TNRC18: variants seen among roughly 807,000 people sequenced by gnomAD.
TNRC18 encodes trinucleotide repeat-containing gene 18 protein.
Under a neutral mutation model 226.7 loss-of-function variants are expected in TNRC18, and 69 were observed. That is an observed-to-expected ratio of 0.30 (90% CI 0.25 to 0.37). The LOEUF (loss-of-function observed/expected upper bound fraction) is 0.37, where lower values mean the gene tolerates loss of function less well. Ranked by LOEUF, TNRC18 falls within the 10% of genes least tolerant of loss-of-function variation. The probability of loss-of-function intolerance (pLI) is 1.00; values close to 1 mark genes in which losing one functional copy is unlikely to be tolerated. For missense variants in TNRC18, 4,754 were observed against 4,256.6 expected (o/e 1.12, Z -3.25); for synonymous variants, 2,449 against 1,927.6 (o/e 1.27, Z -7.09).
At position 5,421,894 on chromosome 7, in the gene TNRC18, G is replaced by C. The variant is rs182542348; in HGVS notation, c.-243-405C>G. On this transcript the variant is annotated intron_variant, in intron 1 of 29. Coordinates refer to ENST00000430969, the MANE Select transcript of TNRC18 (RefSeq NM_001080495.3). The stretch of plus-strand genomic sequence containing the variant: ...AAAACCGTGAAGCCTTGCCACAAAC[G>C]GTCCGAAGTGTCTCCCAAAACACTC... Among the ~76,000 whole-genome samples the C allele has an allele frequency of 2.0e-3, 305 of 152,322 alleles. 1 individual carries two copies. The highest frequency in any genetic ancestry group is 7.1e-3 in the African/African-American group (296 of 41,566).
At chr7:5,330,413 GT>G (rs577873847) in intron 19 of TNRC18, among the ~76,000 whole-genome samples, 79 of 139,882 alleles carry the variant, frequency 5.6e-4, no homozygotes, top group African/African-American at 6.8e-4. Flanking sequence ...TTTTTTTGTT[GT>G]TTTTTTTTTT....
rs376869153 is a variant in TNRC18, at chr7:5,307,038, T to TG, written c.*1067dup. ...GGGACCCTGGGCTTGGGCCGGCTCC[T>TG]GCCTCTCCCTCTTCTCTCCCTAACA... On this transcript the variant is annotated 3_prime_UTR_variant, in exon 30 of 30. Transcript: ENST00000430969. 76 of 142,984 alleles carry TG rather than the reference T, an allele frequency of 5.3e-4. No homozygotes were observed. Among genetic ancestry groups the TG allele is most frequent in the African/African-American group, 1.5e-3 (59 of 39,058 alleles). 8.9% of individuals were successfully genotyped at this position (142,984 alleles called of 1,614,324 possible).
intron 3 of TNRC18, among the ~76,000 whole-genome samples, chr7:5,393,499 G>A (rs1309259340): frequency 6.6e-6 from 1 of 152,218 alleles, no homozygotes; most frequent in African/African-American, 2.4e-5. Flanking sequence ...TGGCCCCGCA[G>A]GAGGAAGTGG....
Position 5,374,068 on chromosome 7 carries a change from C to A in TNRC18, c.3216G>T (p.Gln1072His). The A allele has an allele frequency of 6.4e-7, 1 of 1,572,330 alleles. No individual in the cohort carries two copies. Among genetic ancestry groups the A allele is most frequent in the Non-Finnish European group, 8.6e-7 (1 of 1,162,572 alleles). ...ELEKEAPSPF[Q>H]ALFSDIPPRY... ...GCTGCATCCTACCTGAGAACAGGGC[C>A]TGGAAGGGGCTGGGGGCTTCCTTCT... Residue 1072 changes from glutamine (Q) to histidine (H), a missense_variant, in exon 10 of 30, where the codon CAG (glutamine) becomes CAT (histidine). Physicochemically the swap from Gln to His is conservative, Grantham distance 24. Coordinates refer to ENST00000430969, the MANE Select transcript of TNRC18 (RefSeq NM_001080495.3).
rs945463390 is a variant in TNRC18, at chr7:5,312,506, G to T, written c.8385C>A (p.Thr2795=). 6.2e-7 allele frequency: 1 copy of T among 1,610,490 alleles called. No individual in the cohort carries two copies. Among genetic ancestry groups the T allele is most frequent in the Non-Finnish European group, 8.5e-7 (1 of 1,179,230 alleles). ...GCCCGGGCGCGAGCTTGCTCACCTGGGTGGGCTTGCCGAACCACTTCCAGA... is the reference window on the plus strand; with the variant it reads ...GCCCGGGCGCGAGCTTGCTCACCTGTGTGGGCTTGCCGAACCACTTCCAGA... ...RQLWKWFGKP[T]QRRGMKGKAR... Residue 2795 remains threonine (T), a synonymous_variant, in exon 27 of 30, where the codon ACC becomes ACA. Transcript: ENST00000430969. The surrounding 1 kb of genome is among the most constrained non-coding windows in gnomAD (Gnocchi z 6.3).
chr7:5,388,916 C>T lies in TNRC18; in HGVS notation c.908G>A (p.Gly303Glu). Residue 303 changes from glycine to glutamate, a missense_variant, in exon 5 of 30, where the codon GGG becomes GAG. Coordinates refer to ENST00000430969, the MANE Select transcript of TNRC18 (RefSeq NM_001080495.3). ...LPALVAEAGRGGAKEAARQDE... is the reference protein window; with the variant it reads ...LPALVAEAGREGAKEAARQDE... ...CTGCCGGGCAGCCTCCTTGGCACCC[C>T]CGCGCCCCGCTTCGGCCACCAGCGC... is the stretch of plus-strand genomic sequence containing the variant. 2 of 1,369,566 alleles carry T rather than the reference C, an allele frequency of 1.5e-6. No homozygotes were observed. Among genetic ancestry groups the T allele is most frequent in the Non-Finnish European group, 1.9e-6 (2 of 1,057,574 alleles). The allele number at this position is 1,369,566 out of a possible 1,614,324, so 84.8% of individuals were successfully genotyped here. A position where few individuals can be genotyped will look rare whatever the true frequency, so the allele number is the denominator to read the frequency against.
chr7:5,387,828 G>T lies in TNRC18; in HGVS notation c.1996C>A (p.Arg666Ser). ...TCACCCTGGGCACCAGAGCCCTCGC[G>T]CCCGAAAGCTTTGGCGCTCTCGGGC... ...ERPESAKAFG[R>S]EGSGAQGEAE... The change falls in exon 5 of 30, where the codon CGC becomes AGC. Residue 666 changes from arginine to serine, a missense_variant. By Grantham distance (110) the Arg-to-Ser change is moderately radical. Coordinates refer to ENST00000430969, the MANE Select transcript of TNRC18 (RefSeq NM_001080495.3). 1 of 1,606,472 alleles carries T rather than the reference G, an allele frequency of 6.2e-7. No individual in the cohort carries two copies. The highest frequency in any genetic ancestry group is 8.5e-7 in the Non-Finnish European group (1 of 1,179,378).
Position 5,307,816 on chromosome 7 carries a change from A to C in TNRC18, c.*290T>G. The C allele has an allele frequency of 2.1e-6, 1 of 466,298 alleles. No individual in the cohort carries two copies. Among genetic ancestry groups the C allele is most frequent in the Non-Finnish European group, 4.0e-6 (1 of 251,868 alleles). The allele number at this position is 466,298 out of a possible 1,614,324, so 28.9% of individuals were successfully genotyped here. A position where few individuals can be genotyped will look rare whatever the true frequency, so the allele number is the denominator to read the frequency against. ...GGGCCGGCCTGGCCAAGTGCTTGCAACGTGCTGGGCAGGAAGGGCCGGTCC... is the reference window on the plus strand; with the variant it reads ...GGGCCGGCCTGGCCAAGTGCTTGCACCGTGCTGGGCAGGAAGGGCCGGTCC... On this transcript the variant is annotated 3_prime_UTR_variant, in exon 30 of 30. Transcript: ENST00000430969.
rs575240925 is a variant in TNRC18, at chr7:5,373,066, G to A, written c.3229+989C>T. On this transcript the variant is annotated intron_variant, in intron 10 of 29. Coordinates refer to ENST00000430969, the MANE Select transcript of TNRC18 (RefSeq NM_001080495.3). ...CCAGCTACTAGGGAGACTGAGGCAG[G>A]AGAATCGTTTGAACCTGGGAAGCGG... Among the ~76,000 whole-genome samples the A allele has an allele frequency of 5.9e-5, 9 of 152,248 alleles. No individual in the cohort carries two copies. The South Asian group carries it at 1.2e-3, about 21-fold the overall frequency.
intron 4 of TNRC18, 125 bp from the exon 5 acceptor site, chr7:5,389,461 G>GTTTTTTTGGTTTTTTTTTGTTTTT (rs1554297477): frequency 2.5e-5 from 14 of 565,556 alleles, no homozygotes; most frequent in African/African-American, 5.4e-5. Context: ...TTTGGTTTTG[G>GTTTTTTTGGTTTTTTTTTGTTTTT]TTTTTTTTTT....
Position 5,376,124 on chromosome 7 carries a change from T to C in TNRC18, c.2709A>G (p.Ser903=), listed in dbSNP as rs367575403. Residue 903 remains serine (S), a synonymous_variant, in exon 9 of 30, where the codon TCA becomes TCG. Transcript: ENST00000430969. ...CCTGCTGCCGCAGGAAGTGCTGCTG[T>C]GAGAAGAGCTGCAGCTGCTGGGCGT... ...LHHAQQLQLF[S]QQHFLRQQEF... is the part of the protein sequence containing the mutation. 5 of 1,589,730 alleles carry C rather than the reference T, an allele frequency of 3.1e-6. No homozygotes were observed. The highest frequency in any genetic ancestry group is 4.3e-6 in the Non-Finnish European group (5 of 1,169,100).
chr7:5,408,390 G>A (rs1175708410), intron 2 of TNRC18, among the ~76,000 whole-genome samples: 1 of 152,044 alleles, frequency 6.6e-6, no homozygotes, highest in Non-Finnish European at 1.5e-5. Flanking sequence ...GCTCACGCCT[G>A]TAATCCCAGC....
At position 5,421,221 on chromosome 7, in the gene TNRC18, T is replaced by G. The variant is rs772186363; in HGVS notation, c.26A>C (p.Gln9Pro). The G allele has an allele frequency of 1.5e-5, 20 of 1,318,032 alleles. No individual in the cohort carries two copies. Among genetic ancestry groups the G allele is most frequent in the Admixed American group, 4.0e-5 (1 of 24,754 alleles). The allele number at this position is 1,318,032 out of a possible 1,614,324, so 81.6% of individuals were successfully genotyped here. A position where few individuals can be genotyped will look rare whatever the true frequency, so the allele number is the denominator to read the frequency against. MDGRDFGP[Q>P]RSVHGPPPPL... is the part of the protein sequence containing the mutation. ...CGGCGGGGGACCGTGCACGGACCGC[T>G]GGGGCCCGAAGTCTCGGCCATCCAT... Residue 9 changes from glutamine to proline, a missense_variant, in exon 2 of 30, where the codon CAG (glutamine) becomes CCG (proline). By Grantham distance (76) the Gln-to-Pro change is moderately conservative. Transcript: ENST00000430969.
chr7:5,358,624 G>A (rs1344906601), intron 15 of TNRC18, among the ~76,000 whole-genome samples: 1 of 152,150 alleles, frequency 6.6e-6, no homozygotes, highest in Non-Finnish European at 1.5e-5. Flanking sequence ...GGCCAGCCTG[G>A]CCAAGATGGT....
intron 2 of TNRC18, among the ~76,000 whole-genome samples, chr7:5,419,341 G>A (rs1297347760): frequency 6.6e-6 from 1 of 152,230 alleles, no homozygotes; most frequent in African/African-American, 2.4e-5. Flanking sequence ...CCCCTTCCCA[G>A]CCTCGAAAAA....
intron 1 of TNRC18, among the ~76,000 whole-genome samples, chr7:5,421,760 C>T (rs960433154): frequency 6.6e-6 from 1 of 152,216 alleles, no homozygotes. Context: ...GACTCTGCCT[C>T]GGCGGCTGCC....
At chr7:5,333,123 C>T in intron 18 of TNRC18, 74 bp from the exon 19 acceptor site, 1 of 1,492,190 alleles carries the variant, frequency 6.7e-7, no homozygotes, top group Non-Finnish European at 9.0e-7. Flanking sequence ...CACATGGACA[C>T]CATTCCTCCC....
At position 5,362,645 on chromosome 7, in the gene TNRC18, C is replaced by A; in HGVS notation, c.4395+5G>T. The A allele has an allele frequency of 1.9e-6, 3 of 1,556,052 alleles. No individual in the cohort carries two copies. The highest frequency in any genetic ancestry group is 2.3e-4 in the Middle Eastern group (1 of 4,302). On this transcript the variant is annotated splice_donor_5th_base_variant and intron_variant, in intron 12 of 29. Transcript: ENST00000430969. ...ACCCCAGGGAGGAAGCAGCCAGCCG[C>A]TCACCCGCTCCTCCTTCTTGCGCAT...
intron 3 of TNRC18, among the ~76,000 whole-genome samples, chr7:5,392,181 C>A (rs575721655): frequency 6.6e-6 from 1 of 152,162 alleles, no homozygotes; most frequent in East Asian, 1.9e-4. Context: ...AACAGCACTC[C>A]CAGCCGGAGC....
Sources: allele counts gnomAD v4.1 joint callset (sites outside exome capture counted in the v4.1 genomes callset), GRCh38; gene constraint gnomAD v4.1.1; non-coding constraint Gnocchi (gnomAD v3.1); transcripts MANE v1.5; gene names NCBI Gene and HGNC (gene_info 2026-07-23, HGNC 2026-07-21).